RYR3: variants seen among roughly 807,000 people sequenced by gnomAD.
RYR3 encodes the protein brain ryanodine receptor-calcium release channel.
In RYR3, 207 loss-of-function variants were observed where a neutral mutation model predicts 584.3. The ratio of observed to expected loss-of-function variants is 0.35; its 90% CI spans 0.32 to 0.40. The LOEUF (loss-of-function observed/expected upper bound fraction) is 0.40. RYR3 is among the 10% of genes least tolerant of loss of function. The pLI, the probability that RYR3 is intolerant of heterozygous loss-of-function variation, is 1.00. For missense variants in RYR3, 5,616 were observed against 6,089.2 expected (o/e 0.92, Z 2.59); for synonymous variants, 2,416 against 2,248.5 (o/e 1.07, Z -2.11).
In RYR3 at chr15:33,724,155, C is replaced by T. The variant is rs754179311; in HGVS notation, c.6891C>T (p.Gly2297=). The T allele has an allele frequency of 3.7e-6, 6 of 1,605,566 alleles. No individual in the cohort carries two copies. The highest frequency in any genetic ancestry group is 1.3e-5 in the African/African-American group (1 of 74,894). Residue 2297 remains glycine (G), a synonymous_variant, in exon 45 of 104, where the codon GGC becomes GGT. Coordinates refer to ENST00000634891, the MANE Select transcript of RYR3 (RefSeq NM_001036.6). ...ATTCGGCCCTTATAGATCTACTGGG[C>T]CGCTGTGCTCCTGAAATGCACGTAA... is the stretch of plus-strand genomic sequence containing the variant. ...SFYSALIDLL[G]RCAPEMHLIQ... is the part of the protein sequence containing the mutation.
rs761653150 is a variant in RYR3 at position 33,562,992 on chromosome 15, G to T, written c.1128G>T (p.Leu376=). Residue 376 remains leucine (L), a synonymous_variant, in exon 11 of 104, where the codon CTG becomes CTT. Coordinates refer to ENST00000634891, the MANE Select transcript of RYR3 (RefSeq NM_001036.6). ...CACAAGACGCCAAAACTTCCCGCCT[G>T]GGACCTCTAAAAAGAAAGGTGAGAG... ...YKAQDAKTSR[L]GPLKRKVILH... is the part of the protein sequence containing the mutation. 6.2e-6 allele frequency: 10 copies of T among 1,609,572 alleles called. No individual in the cohort carries two copies. Among genetic ancestry groups the T allele is most frequent in the Non-Finnish European group, 8.5e-6 (10 of 1,177,690 alleles).
chr15:33,432,818 C>T (rs560509985), intron 1 of RYR3, among the ~76,000 whole-genome samples: 1 of 151,992 alleles, frequency 6.6e-6, no homozygotes, highest in Non-Finnish European at 1.5e-5. Flanking sequence ...CCGCGACTGG[C>T]TGAGATGAGA....
Position 33,425,864 on chromosome 15 carries a change from A to C in RYR3, c.52-47555A>C, listed in dbSNP as rs2596225. Among the ~76,000 whole-genome samples, 418 of 151,880 alleles carry C rather than the reference A, an allele frequency of 2.8e-3. 3 individuals are homozygous for C. The highest frequency in any genetic ancestry group is 6.7e-3 in the African/African-American group (278 of 41,428). On this transcript the variant is annotated intron_variant, in intron 1 of 103. Transcript: ENST00000634891. ...TCACCGTGTTAGCCAGGATGGTCTCAATCTCCTGACCTCGTGATCCGCCCG... is the reference window on the plus strand; with the variant it reads ...TCACCGTGTTAGCCAGGATGGTCTCCATCTCCTGACCTCGTGATCCGCCCG...
At chr15:33,821,769 C>T (rs2077120450) in intron 80 of RYR3, among the ~76,000 whole-genome samples, 167 bp downstream of exon 80, 1 of 152,140 alleles carries the variant, frequency 6.6e-6, no homozygotes, top group Non-Finnish European at 1.5e-5. Flanking sequence ...GGGAACGCAA[C>T]ATGGCTGGGA....
chr15:33,589,111 C>T (rs1475407386), intron 16 of RYR3, among the ~76,000 whole-genome samples: 1 of 152,124 alleles, frequency 6.6e-6, no homozygotes, highest in Non-Finnish European at 1.5e-5. Flanking sequence ...TGTATCCTCA[C>T]CGACATTTAT....
intron 1 of RYR3, among the ~76,000 whole-genome samples, chr15:33,356,152 G>A (rs750662308): frequency 2.0e-5 from 3 of 152,134 alleles, no homozygotes; most frequent in Non-Finnish European, 4.4e-5. Flanking sequence ...TATTTGGAAA[G>A]GAATTTTGGA....
intron 40 of RYR3, among the ~76,000 whole-genome samples, chr15:33,698,886 C>A (rs561569257): frequency 8.4e-4 from 127 of 152,022 alleles, no homozygotes; most frequent in Non-Finnish European, 1.4e-3. Flanking sequence ...TCTTAGGATC[C>A]CGAGCAAGGT....
chr15:33,406,401 T>C (rs532561088), intron 1 of RYR3, among the ~76,000 whole-genome samples: 1 of 152,190 alleles, frequency 6.6e-6, no homozygotes, highest in Non-Finnish European at 1.5e-5. Context: ...CTTCCATACC[T>C]CTGGCCTCAC....
chr15:33,595,984 T>C (rs2059351430), intron 16 of RYR3, among the ~76,000 whole-genome samples: 1 of 152,042 alleles, frequency 6.6e-6, no homozygotes, highest in Non-Finnish European at 1.5e-5. Flanking sequence ...CATCCCTCCT[T>C]TTTAAAAAAT....
chr15:33,448,754 G>A (rs2046874592), intron 1 of RYR3, among the ~76,000 whole-genome samples: 2 of 152,266 alleles, frequency 1.3e-5, no homozygotes, highest in South Asian at 4.2e-4. Flanking sequence ...GTTTTGGGAA[G>A]CGGATTCTGG....
rs553516797 is a variant in RYR3, at chr15:33,493,447, G to A, written c.172-10184G>A. Among the ~76,000 whole-genome samples the A allele has an allele frequency of 3.4e-3, 524 of 152,210 alleles. 3 individuals carry two copies. The highest frequency in any genetic ancestry group is 0.012 in the African/African-American group (497 of 41,528). ...GTTTCCACAGCTCATTGTAGTACCTGTGCTACTCATTAAGTGGTTGCTTAT... is the reference window on the plus strand; with the variant it reads ...GTTTCCACAGCTCATTGTAGTACCTATGCTACTCATTAAGTGGTTGCTTAT... On this transcript the variant is annotated intron_variant, in intron 2 of 103. Coordinates refer to ENST00000634891, the MANE Select transcript of RYR3 (RefSeq NM_001036.6).
intron 57 of RYR3, 75 bp downstream of exon 57, chr15:33,750,361 C>T: frequency 2.1e-6 from 3 of 1,459,390 alleles, no homozygotes; most frequent in Middle Eastern, 2.0e-4. Context: ...GCCTACAAAA[C>T]CCATCCAAGT....
At chr15:33,526,729 C>T (rs749956510) in intron 3 of RYR3, among the ~76,000 whole-genome samples, 9 of 152,020 alleles carry the variant, frequency 5.9e-5, no homozygotes, top group Non-Finnish European at 1.2e-4. Flanking sequence ...ATGCATGCCT[C>T]CTATGGTGCC....
intron 1 of RYR3, among the ~76,000 whole-genome samples, chr15:33,443,878 G>A (rs1164811790): frequency 6.6e-6 from 1 of 152,130 alleles, no homozygotes; most frequent in Non-Finnish European, 1.5e-5. Flanking sequence ...CGTCTGTGTT[G>A]ACAGTTCATC....
intron 9 of RYR3, among the ~76,000 whole-genome samples, chr15:33,548,651 G>A (rs2056434903): frequency 6.6e-6 from 1 of 152,194 alleles, no homozygotes; most frequent in Non-Finnish European, 1.5e-5. Flanking sequence ...GGAAATGTAG[G>A]TGTGAAGAAA....
chr15:33,819,831 T>A (rs1191856822), intron 77 of RYR3, 24 bp downstream of exon 77: 1 of 1,563,620 alleles, frequency 6.4e-7, no homozygotes, highest in Non-Finnish European at 8.7e-7. Context: ...TTCTGCCCAT[T>A]GTCTCTGTCT....
intron 31 of RYR3, among the ~76,000 whole-genome samples, chr15:33,649,710 T>G (rs1038118059): frequency 9.9e-5 from 15 of 152,224 alleles, no homozygotes; most frequent in African/African-American, 3.6e-4. Context: ...TGAAACTTCA[T>G]GAATAATAAC....
At chr15:33,747,795 A>G (rs1052451766) in intron 53 of RYR3, among the ~76,000 whole-genome samples, 1 of 152,168 alleles carries the variant, frequency 6.6e-6, no homozygotes, top group Non-Finnish European at 1.5e-5. Flanking sequence ...ATGCATTTTG[A>G]CAATCTTCAA....
intron 3 of RYR3, among the ~76,000 whole-genome samples, chr15:33,511,476 G>A (rs983777231): frequency 2.0e-5 from 3 of 151,830 alleles, no homozygotes; most frequent in South Asian, 2.1e-4. Context: ...TCTCGGAATG[G>A]GTATGTTATT....
Sources: gnomAD v4.1 joint callset for allele counts (sites outside exome capture counted in the v4.1 genomes callset) on GRCh38, gnomAD v4.1.1 for gene constraint, MANE v1.5 for transcripts, NCBI Gene and HGNC (gene_info 2026-07-23, HGNC 2026-07-21) for gene names.